ISL1: variants seen among roughly 807,000 people sequenced by gnomAD.
The protein encoded by ISL1 is insulin gene enhancer protein ISL-1.
Under a neutral mutation model 35.3 loss-of-function variants are expected in ISL1, and 4 were observed. The observed-to-expected ratio is 0.11, with a 90% confidence interval of 0.06 to 0.26. The LOEUF is 0.26. ISL1 is among the 10% of genes least tolerant of loss of function. The pLI, the probability that ISL1 is intolerant of heterozygous loss-of-function variation, is 1.00. For synonymous variants in ISL1, 186 were observed against 172.3 expected (o/e 1.08, Z -0.62); for missense variants, 340 against 472.8 (o/e 0.72, Z 2.60).
chr5:51,387,755 C>A lies in ISL1; in HGVS notation c.478+6C>A, dbSNP rs1747385296. The A allele has an allele frequency of 6.2e-7, 1 of 1,613,854 alleles. No individual in the cohort carries two copies. Among genetic ancestry groups the A allele is most frequent in the Non-Finnish European group, 8.5e-7 (1 of 1,180,022 alleles). On this transcript the variant is annotated splice_donor_region_variant and intron_variant, in intron 3 of 5. Transcript: ENST00000230658. The surrounding 1 kb of genome is among the most constrained non-coding windows in gnomAD (Gnocchi z 4.3). ...GCGGCCACTGCAAATGGCAGGTACT[C>A]CTCTGCCCGGCTCGGGTAGGCAGGC...
Position 51,389,996 on chromosome 5 carries a change from T to A in ISL1, c.765+64T>A. The A allele has an allele frequency of 6.4e-7, 1 of 1,556,936 alleles. No homozygotes were observed. The highest frequency in any genetic ancestry group is 8.8e-7 in the Non-Finnish European group (1 of 1,137,318). On this transcript the variant is annotated intron_variant, in intron 4 of 5. Coordinates refer to ENST00000230658, the MANE Select transcript of ISL1 (RefSeq NM_002202.3). This position sits in a 1 kb window ranked among gnomAD's most constrained non-coding sequence, Gnocchi z 5.0. ...AAGGAGACGCAGCGTGCGAGGTGCG[T>A]TCCTGGTACGCAGGATCGCACGGTT...
chr5:51,393,658 T>A lies in ISL1; in HGVS notation c.*48T>A. On this transcript the variant is annotated 3_prime_UTR_variant, in exon 6 of 6. Coordinates refer to ENST00000230658, the MANE Select transcript of ISL1 (RefSeq NM_002202.3). ...TTTCCCTGTTGGAGAAAGTGGGAAATTATAATGTCGAACTCTGAAACAAAA... is the reference window on the plus strand; with the variant it reads ...TTTCCCTGTTGGAGAAAGTGGGAAAATATAATGTCGAACTCTGAAACAAAA... 8.4e-7 allele frequency: 1 copy of A among 1,195,068 alleles called. No homozygotes were observed. Among genetic ancestry groups the A allele is most frequent in the Non-Finnish European group, 1.3e-6 (1 of 797,224 alleles). The allele number at this position is 1,195,068 out of a possible 1,614,324, so 74.0% of individuals were successfully genotyped here. A position where few individuals can be genotyped will look rare whatever the true frequency, so the allele number is the denominator to read the frequency against.
At chr5:51,391,149 G>T in intron 4 of ISL1, 125 bp from the exon 5 acceptor site, 1 of 866,692 alleles carries the variant, frequency 1.2e-6, no homozygotes. Flanking sequence ...CGGATTAACT[G>T]AGTCAATAAA....
chr5:51,390,052 C>G, intron 4 of ISL1, 120 bp downstream of exon 4: 4 of 1,212,878 alleles, frequency 3.3e-6, no homozygotes, highest in Non-Finnish European at 4.6e-6. Flanking sequence ...GGAGTTTGGC[C>G]GGGGCTGCCC....
intron 4 of ISL1, 72 bp downstream of exon 4, chr5:51,390,004 A>G: frequency 3.9e-6 from 6 of 1,534,612 alleles, no homozygotes; most frequent in Non-Finnish European, 5.3e-6. Context: ...CGTTCCTGGT[A>G]CGCAGGATCG....
chr5:51,384,138 C>G (rs1463831411), intron 1 of ISL1, among the ~76,000 whole-genome samples: 28 of 151,736 alleles, frequency 1.8e-4, no homozygotes, highest in African/African-American at 6.1e-4. Flanking sequence ...GAGCGCGCTT[C>G]ACGGAAAATA....
chr5:51,383,479 G>T lies in ISL1; in HGVS notation c.-193G>T, dbSNP rs1453261860. On this transcript the variant is annotated 5_prime_UTR_variant, in exon 1 of 6. Coordinates refer to ENST00000230658, the MANE Select transcript of ISL1 (RefSeq NM_002202.3). ...GCCGCCGCCGCAGCGCCTCCGCTCCGCCAACTCCGCCGGCTTAAATTGGAC... is the reference window on the plus strand; with the variant it reads ...GCCGCCGCCGCAGCGCCTCCGCTCCTCCAACTCCGCCGGCTTAAATTGGAC... The T allele has an allele frequency of 1.6e-6, 1 of 635,582 alleles. No individual in the cohort carries two copies. Among genetic ancestry groups the T allele is most frequent in the East Asian group, 2.7e-5 (1 of 36,732 alleles). 39.4% of individuals were successfully genotyped at this position (635,582 alleles called of 1,614,324 possible). A position where few individuals can be genotyped will look rare whatever the true frequency, so the allele number is the denominator to read the frequency against.
chr5:51,383,687 G>A lies in ISL1; in HGVS notation c.16G>A (p.Asp6Asn). Residue 6 changes from aspartate (D) to asparagine (N), a missense_variant, in exon 1 of 6, where the codon GAT becomes AAT. Physicochemically the swap from Asp to Asn is conservative, Grantham distance 23 (BLOSUM62 1). This residue lies in a region of ISL1 where 22 missense variants were observed against 18.4 expected (regional missense o/e 1.20). Transcript: ENST00000230658. Reference protein sequence around the residue: MGDMGDPPKKKRLISL... With the variant: MGDMGNPPKKKRLISL... ...TCTTACAGATATGGGAGACATGGGA[G>A]ATCCACCAAAAAGTAAGAGGCTATT... is the stretch of plus-strand genomic sequence containing the variant. The A allele has an allele frequency of 6.2e-7, 1 of 1,611,680 alleles. No homozygotes were observed. Among genetic ancestry groups the A allele is most frequent in the Non-Finnish European group, 8.5e-7 (1 of 1,177,708 alleles).
intron 5 of ISL1, among the ~76,000 whole-genome samples, 189 bp downstream of exon 5, chr5:51,391,630 T>G (rs952666318): frequency 1.3e-5 from 2 of 152,086 alleles, no homozygotes; most frequent in African/African-American, 4.8e-5. Flanking sequence ...CATCTTTTTT[T>G]TTTTAATGAG....
chr5:51,391,452 G>C lies in ISL1; in HGVS notation c.933+11G>C, dbSNP rs376904475. ...GCTTTTCAGCAACTGGTAAGTGTCA[G>C]CTCCCAGATGGAAGAGGCTGAATTC... On this transcript the variant is annotated intron_variant, in intron 5 of 5. Coordinates refer to ENST00000230658, the MANE Select transcript of ISL1 (RefSeq NM_002202.3). The C allele has an allele frequency of 8.1e-6, 13 of 1,613,852 alleles. No individual in the cohort carries two copies. The highest frequency in any genetic ancestry group is 4.0e-5 in the African/African-American group (3 of 74,914).
In ISL1 at chr5:51,387,694, A is replaced by G. The variant is rs758981055; in HGVS notation, c.423A>G (p.Leu141=). Residue 141 remains leucine, a synonymous_variant, in exon 3 of 6, where the codon CTA becomes CTG. Coordinates refer to ENST00000230658, the MANE Select transcript of ISL1 (RefSeq NM_002202.3). This position sits in a 1 kb window ranked among gnomAD's most constrained non-coding sequence, Gnocchi z 4.3. ...ADHDVVERAS[L]GAGDPLSPLH... The stretch of plus-strand genomic sequence containing the variant: ...ACGATGTGGTGGAGAGGGCCAGTCT[A>G]GGCGCTGGCGACCCGCTCAGTCCCC... 1 of 1,614,194 alleles carries G rather than the reference A, an allele frequency of 6.2e-7. No individual in the cohort carries two copies. The highest frequency in any genetic ancestry group is 8.5e-7 in the Non-Finnish European group (1 of 1,180,032).
chr5:51,384,245 G>GGGGC, intron 1 of ISL1, among the ~76,000 whole-genome samples: 1 of 141,074 alleles, frequency 7.1e-6, no homozygotes, highest in South Asian at 2.5e-4. Flanking sequence ...AAAGAGGAAG[G>GGGGC]GGGGGGGGAG....
intron 1 of ISL1, 119 bp from the exon 2 acceptor site, chr5:51,384,422 A>G: frequency 1.2e-6 from 1 of 842,238 alleles, no homozygotes; most frequent in South Asian, 1.6e-5. Context: ...AAAAAAAGAA[A>G]GAAAGAAAGA....
rs914142196 is a variant in ISL1, at chr5:51,384,593, G to T, written c.81G>T (p.Gln27His). The change falls in exon 2 of 6, where the codon CAG (glutamine) becomes CAT (histidine). Residue 27 changes from glutamine to histidine, a missense_variant. Physicochemically the swap from Gln to His is conservative, Grantham distance 24. Transcript: ENST00000230658. ...CVGCGNQIHD[Q>H]YILRVSPDLE... ...GTTGCGGCAATCAGATTCACGATCA[G>T]TATATTCTGAGGGTTTCTCCGGATT... 2 of 1,614,000 alleles carry T rather than the reference G, an allele frequency of 1.2e-6. No individual in the cohort carries two copies. The highest frequency in any genetic ancestry group is 1.3e-5 in the African/African-American group (1 of 74,904).
At chr5:51,392,902 A>T (rs1032647168) in intron 5 of ISL1, among the ~76,000 whole-genome samples, 1 of 152,212 alleles carries the variant, frequency 6.6e-6, no homozygotes, top group African/African-American at 2.4e-5. Context: ...GGATGATGTC[A>T]TAATATATGG....
chr5:51,386,240 A>C, intron 2 of ISL1: 1 of 160,792 alleles, frequency 6.2e-6, no homozygotes, highest in Non-Finnish European at 1.4e-5. Flanking sequence ...AGGAGAGCCC[A>C]CTTCAGGAGT....
At chr5:51,390,005 C>A in intron 4 of ISL1, 73 bp downstream of exon 4, 2 of 1,519,434 alleles carry the variant, frequency 1.3e-6, no homozygotes, top group Admixed American at 1.8e-5. Flanking sequence ...GTTCCTGGTA[C>A]GCAGGATCGC....
rs1177432015 is a variant in ISL1 at position 51,393,747 on chromosome 5, G to A, written c.*137G>A. The A allele has an allele frequency of 2.8e-6, 2 of 718,344 alleles. No individual in the cohort carries two copies. The highest frequency in any genetic ancestry group is 3.5e-5 in the African/African-American group (2 of 57,762). The allele number at this position is 718,344 out of a possible 1,614,324, so 44.5% of individuals were successfully genotyped here. A position where few individuals can be genotyped will look rare whatever the true frequency, so the allele number is the denominator to read the frequency against. On this transcript the variant is annotated 3_prime_UTR_variant, in exon 6 of 6. Transcript: ENST00000230658. Reference sequence around the variant, plus strand: ...ATGAATGCTCCATGAAATGCACGAAGTCTGTTTTAATGACAAGGTGATATG... The same window carrying A: ...ATGAATGCTCCATGAAATGCACGAAATCTGTTTTAATGACAAGGTGATATG...
Position 51,387,461 on chromosome 5 carries a change from C to T in ISL1, c.219-29C>T, listed in dbSNP as rs758280149. 22 of 1,612,570 alleles carry T rather than the reference C, an allele frequency of 1.4e-5. No homozygotes were observed. In the South Asian group the frequency reaches 1.9e-4, roughly 14 times the overall value. On this transcript the variant is annotated intron_variant, in intron 2 of 5. Coordinates refer to ENST00000230658, the MANE Select transcript of ISL1 (RefSeq NM_002202.3). This position sits in a 1 kb window ranked among gnomAD's most constrained non-coding sequence, Gnocchi z 4.3. ...CCTGTACTTCTCTCCCCGCTCTGGG[C>T]CGCCTCCGCTCCCCCCTCCCCCGCA...
Sources: allele counts gnomAD v4.1 joint callset (sites outside exome capture counted in the v4.1 genomes callset), GRCh38; gene constraint gnomAD v4.1.1; regional missense constraint gnomAD v4.1.1; non-coding constraint Gnocchi (gnomAD v3.1); transcripts MANE v1.5; gene names NCBI Gene and HGNC (gene_info 2026-07-23, HGNC 2026-07-21).